NRXN1: variants seen among roughly 807,000 people sequenced by gnomAD.
NRXN1 encodes the protein neurexin-1.
In NRXN1, 39 loss-of-function variants were observed where a neutral mutation model predicts 150.9. The observed-to-expected ratio is 0.26, with a 90% CI of 0.20 to 0.34. The LOEUF (loss-of-function observed/expected upper bound fraction) is 0.34, where lower values mean the gene tolerates loss of function less well. NRXN1 is among the 10% of genes least tolerant of loss of function. The pLI is 1.00. For missense variants in NRXN1, 1,815 were observed against 1,949.9 expected, an observed-to-expected ratio of 0.93 and a Z score of 1.30; for synonymous variants, 924 against 757.0, an observed-to-expected ratio of 1.22 and a Z score of -3.62.
At chr2:50,688,205 CT>C (rs1457451510) in intron 5 of NRXN1, among the ~76,000 whole-genome samples, 8 of 152,284 alleles carry the variant, frequency 5.3e-5, no homozygotes. Flanking sequence ...CCCAACGTTT[CT>C]TTTCCTGAGA....
chr2:50,214,182 T>C (rs964215899), intron 18 of NRXN1, among the ~76,000 whole-genome samples: 1 of 151,966 alleles, frequency 6.6e-6, no homozygotes, highest in Non-Finnish European at 1.5e-5. Context: ...TATCTTCTTT[T>C]ATTTTAATTC....
At position 50,598,445 on chromosome 2, in the gene NRXN1, A is replaced by AAAG. The variant is rs570333078; in HGVS notation, c.1320+21576_1320+21577insCTT. ...AATAAAATAAACTTTTTTAAATCAG[A>AAAG]AATAATTACTCTTCAAGTTTAAAGA... On this transcript the variant is annotated intron_variant, in intron 8 of 22. Transcript: ENST00000401669. Among the ~76,000 whole-genome samples the AAAG allele has an allele frequency of 1.4e-4, 21 of 151,564 alleles. 1 individual carries two copies. Among genetic ancestry groups the AAAG allele is most frequent in the African/African-American group, 5.1e-4 (21 of 41,458 alleles).
chr2:50,134,968 G>C (rs146748786), intron 18 of NRXN1, among the ~76,000 whole-genome samples: 98 of 152,186 alleles, frequency 6.4e-4, no homozygotes, highest in African/African-American at 2.2e-3. Context: ...CCCCTCCACT[G>C]CCTCTTTCTT....
intron 2 of NRXN1, among the ~76,000 whole-genome samples, chr2:50,936,636 TG>T (rs1052626183): frequency 5.3e-5 from 8 of 152,082 alleles, no homozygotes; most frequent in Admixed American, 1.3e-4. Context: ...ACTTAACACA[TG>T]GGGAAAGCAC....
chr2:50,991,569 GA>G (rs1431032437), intron 2 of NRXN1, among the ~76,000 whole-genome samples: 2 of 152,006 alleles, frequency 1.3e-5, no homozygotes, highest in African/African-American at 4.8e-5. Context: ...CTAGTGCTTT[GA>G]CTAGTCTCTA....
chr2:50,306,050 A>G (rs1345584870), intron 17 of NRXN1, among the ~76,000 whole-genome samples: 1 of 152,206 alleles, frequency 6.6e-6, no homozygotes, highest in Admixed American at 6.5e-5. Context: ...ATTATTAAAG[A>G]ATGACAGGTG....
At chr2:50,489,400 A>G (rs754386743) in intron 15 of NRXN1, among the ~76,000 whole-genome samples, 3 of 152,146 alleles carry the variant, frequency 2.0e-5, no homozygotes, top group Non-Finnish European at 4.4e-5. Flanking sequence ...TTCACCAATG[A>G]ATCCACACAA....
chr2:50,472,455 T>G lies in NRXN1; in HGVS notation c.3087A>C (p.Gly1029=). The change falls in exon 16 of 23, where the codon GGA becomes GGC. Residue 1029 remains glycine (G), a synonymous_variant. Coordinates refer to ENST00000401669, the MANE Select transcript of NRXN1 (RefSeq NM_001330078.2). ...NLDLKSDLYI[G]GVAKETYKSL... is the part of the protein sequence containing the mutation. The stretch of plus-strand genomic sequence containing the variant: ...ATTTGTATGTTTCTTTAGCTACTCC[T>G]CCTATATATAAGTCACCTGCAAGAA... 1.2e-6 allele frequency: 2 copies of G among 1,611,796 alleles called. No individual in the cohort carries two copies. Among genetic ancestry groups the G allele is most frequent in the Non-Finnish European group, 1.7e-6 (2 of 1,178,508 alleles).
At chr2:50,812,060 G>T (rs571347338) in intron 5 of NRXN1, among the ~76,000 whole-genome samples, 1 of 151,828 alleles carries the variant, frequency 6.6e-6, no homozygotes, top group Non-Finnish European at 1.5e-5. Flanking sequence ...CTGCATGTGT[G>T]CATTGAGAAA....
chr2:50,829,757 G>T, intron 5 of NRXN1: 1 of 1,567,172 alleles, frequency 6.4e-7, no homozygotes, highest in South Asian at 1.2e-5. Context: ...GGCATGGCCC[G>T]CTTAAGTGCC....
At chr2:50,988,028 T>C (rs1387233090) in intron 2 of NRXN1, among the ~76,000 whole-genome samples, 5 of 152,160 alleles carry the variant, frequency 3.3e-5, no homozygotes, top group African/African-American at 9.6e-5. Flanking sequence ...ATAGCTGCTA[T>C]TGAAATGTTC....
intron 16 of NRXN1, among the ~76,000 whole-genome samples, chr2:50,467,031 G>A (rs930852406): frequency 2.0e-5 from 3 of 151,738 alleles, no homozygotes; most frequent in South Asian, 2.1e-4. Context: ...AAATGATACT[G>A]TATATCATTT....
At chr2:50,812,713 AAAT>A (rs1279255237) in intron 5 of NRXN1, among the ~76,000 whole-genome samples, 3 of 138,414 alleles carry the variant, frequency 2.2e-5, no homozygotes, top group African/African-American at 8.2e-5. Flanking sequence ...AATATACCAT[AAAT>A]AATAAGAGTG....
intron 5 of NRXN1, among the ~76,000 whole-genome samples, chr2:50,909,862 T>C (rs1198192103): frequency 6.6e-6 from 1 of 151,970 alleles, no homozygotes; most frequent in African/African-American, 2.4e-5. Flanking sequence ...ATCTGATTTA[T>C]GCTAAAACTA....
intron 18 of NRXN1, among the ~76,000 whole-genome samples, chr2:50,184,528 T>C (rs1427492053): frequency 6.6e-6 from 1 of 152,058 alleles, no homozygotes; most frequent in Non-Finnish European, 1.5e-5. Flanking sequence ...GCTAAAAGTA[T>C]ACATTATTCC....
intron 17 of NRXN1, among the ~76,000 whole-genome samples, chr2:50,322,455 C>A (rs1558523122): frequency 6.6e-6 from 1 of 152,020 alleles, no homozygotes; most frequent in Non-Finnish European, 1.5e-5. Flanking sequence ...TAAAAGTATG[C>A]AAACACATTT....
chr2:51,020,288 G>A (rs1171565065), intron 2 of NRXN1, among the ~76,000 whole-genome samples: 1 of 151,270 alleles, frequency 6.6e-6, no homozygotes, highest in Non-Finnish European at 1.5e-5. Flanking sequence ...TATATCGTAT[G>A]CACTCATATA....
At position 50,971,644 on chromosome 2, in the gene NRXN1, ATAC is replaced by A. The variant is rs535819152; in HGVS notation, c.773-45692_773-45690del. ...ATTTTAAAAATAAATATTTCAGGAAATACTTAAGTTTTCCTTGAAAAACACTCC... is the reference window on the plus strand; with the variant it reads ...ATTTTAAAAATAAATATTTCAGGAAATTAAGTTTTCCTTGAAAAACACTCC... On this transcript the variant is annotated intron_variant, in intron 2 of 22. Transcript: ENST00000401669. 3.3e-3 allele frequency among the ~76,000 whole-genome samples: 506 copies of A among 152,136 alleles called. 3 individuals are homozygous for A. Among genetic ancestry groups the A allele is most frequent in the African/African-American group, 0.011 (460 of 41,544 alleles).
chr2:50,398,519 T>C (rs901988383), intron 17 of NRXN1, among the ~76,000 whole-genome samples: 3 of 152,130 alleles, frequency 2.0e-5, no homozygotes, highest in Non-Finnish European at 4.4e-5. Context: ...TAAGTATGTG[T>C]AGGATACACA....
Sources: allele counts gnomAD v4.1 joint callset (sites outside exome capture counted in the v4.1 genomes callset), GRCh38; gene constraint gnomAD v4.1.1; transcripts MANE v1.5; gene names NCBI Gene and HGNC (gene_info 2026-07-23, HGNC 2026-07-21).